Variants in KCNH4 observed in about 807,000 individuals in gnomAD.
KCNH4 encodes potassium voltage-gated channel subfamily H member 4.
A neutral mutation model predicts 90.7 loss-of-function variants in KCNH4; 33 were observed. That is an observed-to-expected ratio of 0.36 (90% CI 0.28 to 0.49). The LOEUF is 0.49. Ranked by LOEUF, KCNH4 falls within the 20% of genes least tolerant of loss-of-function variation. The probability of loss-of-function intolerance (pLI) is 0.98; values close to 1 mark genes in which losing one functional copy is unlikely to be tolerated. For synonymous variants in KCNH4, 551 were observed against 581.7 expected (o/e 0.95, Z 0.76); for missense variants, 1,044 against 1,387.1 (o/e 0.75, Z 3.93).
At position 42,172,015 on chromosome 17, in the gene KCNH4, G is replaced by A. The variant is rs779044392; in HGVS notation, c.988-20C>T. The A allele has an allele frequency of 3.3e-5, 52 of 1,562,796 alleles. No homozygotes were observed. Among genetic ancestry groups the A allele is most frequent in the Non-Finnish European group, 4.2e-5 (49 of 1,154,142 alleles). ...CGAGGTCTGCAGGAAGGTGGCGGGG[G>A]AGGCTGTCAGCAGGCACACCTCCTC... On this transcript the variant is annotated intron_variant, in intron 6 of 16. Transcript: ENST00000264661.
In KCNH4 at chr17:42,181,060, C is replaced by T. The variant is rs2079898130; in HGVS notation, c.-115G>A. 13 of 874,670 alleles carry T rather than the reference C, an allele frequency of 1.5e-5. No homozygotes were observed. Among genetic ancestry groups the T allele is most frequent in the Admixed American group, 2.7e-5 (1 of 36,936 alleles). The allele number at this position is 874,670 out of a possible 1,614,324, so 54.2% of individuals were successfully genotyped here. A position where few individuals can be genotyped will look rare whatever the true frequency, so the allele number is the denominator to read the frequency against. ...CCCCATGCGCCCTCCTGCCTCCTCCCCTCCCTCTTACTGCCGCTGCCGCTG... is the reference window on the plus strand; with the variant it reads ...CCCCATGCGCCCTCCTGCCTCCTCCTCTCCCTCTTACTGCCGCTGCCGCTG... On this transcript the variant is annotated 5_prime_UTR_variant, in exon 1 of 17. Coordinates refer to ENST00000264661, the MANE Select transcript of KCNH4 (RefSeq NM_012285.3).
Position 42,169,676 on chromosome 17 carries a change from G to A in KCNH4, c.1391C>T (p.Ala464Val), listed in dbSNP as rs1177455293. 2 of 1,612,798 alleles carry A rather than the reference G, an allele frequency of 1.2e-6. No individual in the cohort carries two copies. Among genetic ancestry groups the A allele is most frequent in the African/African-American group, 2.7e-5 (2 of 75,026 alleles). The change falls in exon 9 of 17, where the codon GCC becomes GTC. Residue 464 changes from alanine to valine, a missense_variant and splice_region_variant. By Grantham distance (64) the Ala-to-Val change is moderately conservative. Transcript: ENST00000264661. ...CCCGAACACCACAGCGTGCATCAGG[G>A]CTGCAGCAGCAGCAGCGGGCCTGTC... ...IFSICTMLIGALMHAVVFGNV... is the reference protein window; with the variant it reads ...IFSICTMLIGVLMHAVVFGNV...
At chr17:42,166,576 A>G (rs750703727) in intron 9 of KCNH4, 30 bp from the exon 10 acceptor site, 1 of 1,588,270 alleles carries the variant, frequency 6.3e-7, no homozygotes, top group South Asian at 1.1e-5. Flanking sequence ...CATTCTGGCC[A>G]TCCCCCTGCA....
Position 42,178,334 on chromosome 17 carries a change from G to T in KCNH4, c.454C>A (p.His152Asn). Residue 152 changes from histidine to asparagine, a missense_variant, in exon 3 of 17, where the codon CAC (histidine) becomes AAC (asparagine). By Grantham distance (68) the His-to-Asn change is moderately conservative. Coordinates refer to ENST00000264661, the MANE Select transcript of KCNH4 (RefSeq NM_012285.3). ...GCCCGTCCGGACTTGCTGTTACCGT[G>T]ATTACTGTCCCCGCGGCCTCCTTGG... ...GPQGGRGDSN[H>N]ENSLGRRGAT... The T allele has an allele frequency of 6.2e-7, 1 of 1,614,232 alleles. No homozygotes were observed. Among genetic ancestry groups the T allele is most frequent in the Non-Finnish European group, 8.5e-7 (1 of 1,180,044 alleles).
At position 42,160,258 on chromosome 17, in the gene KCNH4, G is replaced by T. The variant is rs1187782379; in HGVS notation, c.2836C>A (p.Pro946Thr). The change falls in exon 16 of 17, where the codon CCC becomes ACC. Residue 946 changes from proline to threonine, a missense_variant. By Grantham distance (38) the Pro-to-Thr change is conservative. Around this residue, in one of 4 missense-constraint regions of KCNH4, gnomAD observed 441 missense variants for 512.3 expected, o/e 0.86. Transcript: ENST00000264661. ...GCAAGCGTAGTATCCTGGAGGCTGG[G>T]TGGTGGTCTGGACGCACAAGGAGAG... is the stretch of plus-strand genomic sequence containing the variant. ...CLSPCASRPPPSLQDTTLAEV... is the reference protein window; with the variant it reads ...CLSPCASRPPTSLQDTTLAEV... 1.9e-6 allele frequency: 3 copies of T among 1,614,170 alleles called. No individual in the cohort carries two copies. The highest frequency in any genetic ancestry group is 2.7e-5 in the African/African-American group (2 of 75,048).
chr17:42,164,191 A>C, intron 11 of KCNH4, 23 bp from the exon 12 acceptor site: 1 of 1,531,884 alleles, frequency 6.5e-7, no homozygotes. Context: ...AGGAGAGTTC[A>C]AGCTGATTCC....
intron 11 of KCNH4, 22 bp downstream of exon 11, chr17:42,165,427 C>T (rs754820216): frequency 2.0e-5 from 32 of 1,610,242 alleles, no homozygotes; most frequent in Non-Finnish European, 2.6e-5. Flanking sequence ...GGAAGGATGG[C>T]GGTCATCAGG....
intron 2 of KCNH4, 51 bp from the exon 3 acceptor site, chr17:42,178,528 G>A (rs778720972): frequency 5.1e-5 from 81 of 1,599,074 alleles, no homozygotes; most frequent in Non-Finnish European, 6.7e-5. Context: ...CCCATGGCAT[G>A]CCTTTCTCCT....
In KCNH4 at chr17:42,171,778, G is replaced by C. The variant is rs776526141; in HGVS notation, c.1195+10C>G. ...AGGTGGTCTGTGAAAGTTTGGGGTC[G>C]GTGGCTCACCAATGTCCCAGAGCAG... On this transcript the variant is annotated intron_variant, in intron 7 of 16. Transcript: ENST00000264661. 1 of 1,613,778 alleles carries C rather than the reference G, an allele frequency of 6.2e-7. No homozygotes were observed. Among genetic ancestry groups the C allele is most frequent in the Non-Finnish European group, 8.5e-7 (1 of 1,179,864 alleles).
At chr17:42,160,543 C>A in intron 15 of KCNH4, 108 bp from the exon 16 acceptor site, 1 of 1,199,008 alleles carries the variant, frequency 8.3e-7, no homozygotes, top group Non-Finnish European at 1.1e-6. Context: ...CTCATGGCCA[C>A]CCTGGGAAAA....
chr17:42,176,350 A>ATTT, intron 4 of KCNH4, 53 bp from the exon 5 acceptor site: 1 of 871,306 alleles, frequency 1.1e-6, no homozygotes. Flanking sequence ...AGGAGCCAAG[A>ATTT]TGGGGGGTGG....
intron 9 of KCNH4, 118 bp downstream of exon 9, chr17:42,169,359 T>C: frequency 1.1e-6 from 1 of 934,686 alleles, no homozygotes; most frequent in Admixed American, 2.1e-5. Context: ...GGATTACAGG[T>C]GTGAGCAGCC....
chr17:42,162,221 C>T (rs772052783), intron 15 of KCNH4, 27 bp downstream of exon 15: 65 of 1,607,162 alleles, frequency 4.0e-5, no homozygotes, highest in Non-Finnish European at 5.5e-5. Flanking sequence ...TTATATCAGG[C>T]ACGTCTCTGA....
At chr17:42,161,223 C>T (rs917533576) in intron 15 of KCNH4, among the ~76,000 whole-genome samples, 36 of 152,182 alleles carry the variant, frequency 2.4e-4, no homozygotes, top group African/African-American at 8.0e-4. Context: ...CCACCGCGCC[C>T]GGCCTATCAG....
chr17:42,163,465 G>A lies in KCNH4; in HGVS notation c.2478-131C>T. ...GCAGCAGTCAAAGTGGGTTGGGGTT[G>A]CAAGCTGTGGTTGGAAGGGTGCGGT... On this transcript the variant is annotated intron_variant, in intron 13 of 16. Coordinates refer to ENST00000264661, the MANE Select transcript of KCNH4 (RefSeq NM_012285.3). The surrounding 1 kb of genome is among the most constrained non-coding windows in gnomAD (Gnocchi z 5.4). 1.3e-6 allele frequency: 1 copy of A among 790,808 alleles called. No homozygotes were observed. Among genetic ancestry groups the A allele is most frequent in the Non-Finnish European group, 2.1e-6 (1 of 482,784 alleles). The allele number at this position is 790,808 out of a possible 1,614,324, so 49.0% of individuals were successfully genotyped here. A position where few individuals can be genotyped will look rare whatever the true frequency, so the allele number is the denominator to read the frequency against.
chr17:42,174,707 C>T (rs930915317), intron 6 of KCNH4, among the ~76,000 whole-genome samples: 18 of 152,084 alleles, frequency 1.2e-4, no homozygotes, highest in Non-Finnish European at 1.9e-4. Flanking sequence ...GTAGCACTGC[C>T]CCACCCTGGA....
Position 42,166,413 on chromosome 17 carries a change from G to A in KCNH4, c.1724C>T (p.Ser575Leu), listed in dbSNP as rs140560707. ...LRALSLHIKT[S>L]FCAPGEYLLR... The stretch of plus-strand genomic sequence containing the variant: ...CAGGTACTCGCCCGGAGCGCAGAAC[G>A]AGGTCTTGATGTGCAGCGATAGGGC... The change falls in exon 10 of 17, where the codon TCG becomes TTG. Residue 575 changes from serine to leucine, a missense_variant. This residue lies in a region of KCNH4 where 318 missense variants were observed against 479.6 expected (regional missense o/e 0.66). Coordinates refer to ENST00000264661, the MANE Select transcript of KCNH4 (RefSeq NM_012285.3). 3.0e-4 allele frequency: 484 copies of A among 1,613,982 alleles called. No homozygotes were observed. The highest frequency in any genetic ancestry group is 4.0e-4 in the Non-Finnish European group (469 of 1,179,986).
At position 42,156,895 on chromosome 17, in the gene KCNH4, A is replaced by G. The variant is rs1467685842; in HGVS notation, c.*533T>C. 6.6e-6 allele frequency: 1 copy of G among 152,334 alleles called. No individual in the cohort carries two copies. The highest frequency in any genetic ancestry group is 1.5e-5 in the Non-Finnish European group (1 of 68,060). The allele number at this position is 152,334 out of a possible 1,614,324, so 9.4% of individuals were successfully genotyped here. A position where few individuals can be genotyped will look rare whatever the true frequency, so the allele number is the denominator to read the frequency against. ...GAAACACCCAGAGCCAATAACTACA[A>G]AAATAAAGAGTTTATTTCCTATCCA... is the stretch of plus-strand genomic sequence containing the variant. On this transcript the variant is annotated 3_prime_UTR_variant, in exon 17 of 17. Transcript: ENST00000264661.
At chr17:42,166,979 G>T (rs2079792692) in intron 9 of KCNH4, among the ~76,000 whole-genome samples, 1 of 152,078 alleles carries the variant, frequency 6.6e-6, no homozygotes, top group African/African-American at 2.4e-5. Context: ...TAGACCATGG[G>T]CACTACCAAT....
Sources: gnomAD v4.1 joint callset for allele counts (sites outside exome capture counted in the v4.1 genomes callset) on GRCh38, gnomAD v4.1.1 for gene constraint, gnomAD v4.1.1 regional missense constraint, Gnocchi (gnomAD v3.1) non-coding constraint, MANE v1.5 for transcripts, NCBI Gene and HGNC (gene_info 2026-07-23, HGNC 2026-07-21) for gene names.